Variants in STAG2 observed in about 807,000 individuals in gnomAD.
The protein encoded by STAG2 is cohesin subunit SA-2.
In STAG2, 14 loss-of-function variants were observed where a neutral mutation model predicts 108.1. The observed-to-expected ratio is 0.13, with a 90% CI of 0.09 to 0.20. The LOEUF (loss-of-function observed/expected upper bound fraction) is 0.20, where lower values mean the gene tolerates loss of function less well. Among genes scored for constraint, STAG2 ranks in the 10% least tolerant of loss-of-function variants. The pLI is 1.00. For missense variants in STAG2, 440 were observed against 940.9 expected, an observed-to-expected ratio of 0.47 and a Z score of 6.96; for synonymous variants, 307 against 302.7, an observed-to-expected ratio of 1.01 and a Z score of -0.15.
intron 29 of STAG2, among the ~76,000 whole-genome samples, chrX:124,086,292 G>T (rs757608935): frequency 2.4e-4 from 27 of 111,654 alleles, no homozygotes; most frequent in Non-Finnish European, 4.5e-4. Context: ...TTTTTTGCAG[G>T]TAGGTATCAT....
At chrX:124,067,035 T>C (rs1162668945) in intron 23 of STAG2, among the ~76,000 whole-genome samples, 1 of 111,401 alleles carries the variant, frequency 9.0e-6, no homozygotes, top group Non-Finnish European at 1.9e-5. Context: ...AAATATTGTT[T>C]GGGCTCATTT....
chrX:123,970,803 A>G (rs2054320378), intron 1 of STAG2, among the ~76,000 whole-genome samples: 1 of 112,235 alleles, frequency 8.9e-6, no homozygotes, highest in Non-Finnish European at 1.9e-5. Context: ...AACTCTTACC[A>G]TATGCCAGAT....
At chrX:124,057,556 T>G (rs896721359) in intron 14 of STAG2, among the ~76,000 whole-genome samples, 1 of 112,511 alleles carries the variant, frequency 8.9e-6, no homozygotes, top group Admixed American at 9.4e-5. Flanking sequence ...GCTTTGTCAA[T>G]GTACTACTTT....
chrX:123,999,624 T>C (rs1310816462), intron 1 of STAG2, among the ~76,000 whole-genome samples: 4 of 111,048 alleles, frequency 3.6e-5, no homozygotes, highest in African/African-American at 6.6e-5. Flanking sequence ...TTTTTGTTTG[T>C]TTGTTTGAGA....
chrX:124,051,745 G>A (rs955275417), intron 13 of STAG2, among the ~76,000 whole-genome samples: 2 of 110,134 alleles, frequency 1.8e-5, no homozygotes, highest in African/African-American at 6.6e-5. Context: ...CGCCCGCCAC[G>A]ACGCCTGGCT....
rs906260308 is a variant in STAG2, at chrX:124,065,783, A to G, written c.2026-93A>G. On this transcript the variant is annotated intron_variant, in intron 20 of 34. Coordinates refer to ENST00000371145, the MANE Select transcript of STAG2 (RefSeq NM_001042750.2). ...ACAAAGTTCATTTGTGGGTTTTGTT[A>G]TGTTATTTTTCATTTTTCAAGGTAA... 6 of 602,498 alleles carry G rather than the reference A, an allele frequency of 1.0e-5. No homozygotes were observed. The African/African-American group carries it at 1.2e-4, about 12-fold the overall frequency. The allele number at this position is 602,498 out of a possible 1,213,427, so 49.7% of individuals were successfully genotyped here. A position where few individuals can be genotyped will look rare whatever the true frequency, so the allele number is the denominator to read the frequency against.
In STAG2 at chrX:124,025,886, G is replaced by A. The variant is rs1251136516; in HGVS notation, c.91G>A (p.Glu31Lys). ...FSSDTDFEDI[E>K]GKNQKQGKGK... is the part of the protein sequence containing the mutation. ...TTCTGACACAGATTTTGAAGATATC[G>A]AAGGAAAAAACCAAAAGCAAGGCAA... Residue 31 changes from glutamate (E) to lysine (K), a missense_variant, in exon 4 of 35, where the codon GAA (glutamate) becomes AAA (lysine). Transcript: ENST00000371145. 1.7e-6 allele frequency: 2 copies of A among 1,186,011 alleles called. No homozygotes were observed. Among genetic ancestry groups the A allele is most frequent in the South Asian group, 1.9e-5 (1 of 52,770 alleles).
chrX:124,071,395 A>G lies in STAG2; in HGVS notation c.2533+72A>G, dbSNP rs960143548. ...TCAAACTTAAGTAACAATGATGTAC[A>G]TCGGTGCACTAAAATATATTTTATC... On this transcript the variant is annotated intron_variant, in intron 25 of 34. Coordinates refer to ENST00000371145, the MANE Select transcript of STAG2 (RefSeq NM_001042750.2). 8 of 806,810 alleles carry G rather than the reference A, an allele frequency of 9.9e-6. No individual in the cohort carries two copies. The African/African-American group carries it at 1.7e-4, about 17-fold the overall frequency. 66.5% of individuals were successfully genotyped at this position (806,810 alleles called of 1,213,427 possible).
intron 34 of STAG2, among the ~76,000 whole-genome samples, chrX:124,096,761 C>T (rs1471362776): frequency 4.4e-5 from 5 of 112,378 alleles, no homozygotes; most frequent in Non-Finnish European, 9.4e-5. Context: ...ATACCATCCT[C>T]AAAGGCCTGC....
chrX:123,989,119 C>A (rs972013459), intron 1 of STAG2, among the ~76,000 whole-genome samples: 1 of 111,462 alleles, frequency 9.0e-6, no homozygotes, highest in African/African-American at 3.3e-5. Context: ...AGTTAGTATC[C>A]GGTAGACTTA....
rs1603060450 is a variant in STAG2 at position 124,058,035 on chromosome X, A to T, written c.1416+58A>T. On this transcript the variant is annotated intron_variant, in intron 15 of 34. Transcript: ENST00000371145. ...TCGAAAAATTTTGGAAAAGGGGTTA[A>T]AATGAGGCACATTTAAAAAAATATT... 5 of 651,484 alleles carry T rather than the reference A, an allele frequency of 7.7e-6. No homozygotes were observed. The East Asian group carries it at 1.9e-4, about 24-fold the overall frequency. The allele number at this position is 651,484 out of a possible 1,213,427, so 53.7% of individuals were successfully genotyped here.
chrX:124,046,590 A>C (rs575358523), intron 8 of STAG2, among the ~76,000 whole-genome samples: 3 of 112,149 alleles, frequency 2.7e-5, no homozygotes, highest in African/African-American at 9.7e-5. Context: ...ACCAAGTCTG[A>C]GAAGTAGTCT....
chrX:124,072,904 C>CTTTTTTTTTTTTTT (rs779996801), intron 25 of STAG2, among the ~76,000 whole-genome samples: 2 of 72,692 alleles, frequency 2.8e-5, no homozygotes, highest in Non-Finnish European at 5.1e-5. Flanking sequence ...TTCTTTCTTT[C>CTTTTTTTTTTTTTT]TTTTTTTTTT....
chrX:124,043,211 C>T (rs73553866), intron 7 of STAG2, among the ~76,000 whole-genome samples: 18,202 of 104,019 alleles, frequency 0.17, 1,388 homozygotes, highest in East Asian at 0.38. Flanking sequence ...TCACTGCAAC[C>T]TCTGCCTCCT....
chrX:123,986,524 T>C (rs1037358129), intron 1 of STAG2, among the ~76,000 whole-genome samples: 1 of 111,844 alleles, frequency 8.9e-6, no homozygotes, highest in South Asian at 3.7e-4. Flanking sequence ...ACTTATGCTT[T>C]AGAGACAAGT....
At chrX:124,100,317 T>C (rs1177927599) in intron 34 of STAG2, among the ~76,000 whole-genome samples, 7 of 111,317 alleles carry the variant, frequency 6.3e-5, no homozygotes, top group South Asian at 3.7e-4. Context: ...GTGGTACATA[T>C]AAGCATAATT....
chrX:124,001,060 A>G (rs2056011811), intron 1 of STAG2, among the ~76,000 whole-genome samples: 1 of 111,850 alleles, frequency 8.9e-6, no homozygotes, highest in Non-Finnish European at 1.9e-5. Context: ...GTTACAGTAA[A>G]TGAAGTTTAA....
chrX:124,027,286 A>G (rs1355778508), intron 4 of STAG2, among the ~76,000 whole-genome samples: 5 of 111,852 alleles, frequency 4.5e-5, no homozygotes, highest in African/African-American at 9.8e-5. Context: ...TTATTTAACT[A>G]ATGCTTGGAA....
chrX:124,081,595 C>A (rs995194346), intron 28 of STAG2, 67 bp downstream of exon 28: 6 of 877,957 alleles, frequency 6.8e-6, no homozygotes, highest in Non-Finnish European at 9.3e-6. Flanking sequence ...TTAAATCTAG[C>A]CCTTTCATTT....
Sources: gnomAD v4.1 joint callset for allele counts (sites outside exome capture counted in the v4.1 genomes callset) on GRCh38, gnomAD v4.1.1 for gene constraint, MANE v1.5 for transcripts, NCBI Gene and HGNC (gene_info 2026-07-23, HGNC 2026-07-21) for gene names.